DNAH17: variants seen among roughly 807,000 people sequenced by gnomAD.
The protein encoded by DNAH17 is dynein axonemal heavy chain 17.
Under a neutral mutation model 485.6 loss-of-function variants are expected in DNAH17, and 376 were observed. The ratio of observed to expected loss-of-function variants is 0.77; its 90% CI spans 0.71 to 0.84. The LOEUF is 0.84. Among genes scored for constraint, DNAH17 ranks in the 40% least tolerant of loss-of-function variants. DNAH17 has a pLI of 0.00. For missense variants in DNAH17, 6,370 were observed against 5,839.3 expected (o/e 1.09, Z -2.96); for synonymous variants, 3,031 against 2,405.9 (o/e 1.26, Z -7.60).
chr17:78,525,575 C>T (rs149473873), intron 24 of DNAH17, among the ~76,000 whole-genome samples: 82 of 152,358 alleles, frequency 5.4e-4, no homozygotes, highest in African/African-American at 1.9e-3. Flanking sequence ...TCTCAAATCC[C>T]ATGACTAAGA....
intron 75 of DNAH17, among the ~76,000 whole-genome samples, chr17:78,430,124 T>C (rs1321047520): frequency 2.6e-5 from 4 of 152,210 alleles, no homozygotes; most frequent in East Asian, 1.9e-4. Context: ...GCCTGGCTCA[T>C]GGGCGGCCTC....
chr17:78,555,634 C>T (rs1029697319), intron 14 of DNAH17, among the ~76,000 whole-genome samples: 13 of 150,548 alleles, frequency 8.6e-5, no homozygotes, highest in Non-Finnish European at 1.6e-4. Flanking sequence ...TGATGTGCTT[C>T]GAACATGAAA....
At chr17:78,441,579 C>T (rs1015546316) in intron 71 of DNAH17, among the ~76,000 whole-genome samples, 1 of 152,090 alleles carries the variant, frequency 6.6e-6, no homozygotes, top group African/African-American at 2.4e-5. Flanking sequence ...AAAAAAGCAA[C>T]TTCAGATGAT....
rs979686524 is a variant in DNAH17 at position 78,426,175 on chromosome 17, G to A, written c.12915+282C>T. On this transcript the variant is annotated intron_variant, in intron 79 of 80. Coordinates refer to ENST00000389840, the MANE Select transcript of DNAH17 (RefSeq NM_173628.4). ...AAGAGGCTCTTGCCTTCATTGCCTC[G>A]CTCCTTATAGAGGACGGCTTACCCT... Among the ~76,000 whole-genome samples the A allele has an allele frequency of 1.2e-4, 19 of 152,188 alleles. 1 individual carries two copies. The highest frequency in any genetic ancestry group is 4.3e-4 in the African/African-American group (18 of 41,436).
Position 78,459,825 on chromosome 17 carries a change from G to A in DNAH17, c.9612C>T (p.Phe3204=), listed in dbSNP as rs143976401. 167 of 1,614,018 alleles carry A rather than the reference G, an allele frequency of 1.0e-4. 1 individual carries two copies. Among genetic ancestry groups the A allele is most frequent in the Middle Eastern group, 1.7e-4 (1 of 6,060 alleles). ...AGGCCTCAGGGATGTGCTCCTTGTC[G>A]AACTTCTTCAGGGAGTCTAGGAAGG... is the stretch of plus-strand genomic sequence containing the variant. The part of the protein sequence containing the change: ...VDTFLDSLKK[F]DKEHIPEACL... Residue 3204 remains phenylalanine (F), a synonymous_variant, in exon 60 of 81, where the codon TTC becomes TTT. Coordinates refer to ENST00000389840, the MANE Select transcript of DNAH17 (RefSeq NM_173628.4).
chr17:78,434,031 T>C lies in DNAH17; in HGVS notation c.12223A>G (p.Lys4075Glu), dbSNP rs146062924. Residue 4075 changes from lysine to glutamate, a missense_variant and splice_region_variant, in exon 75 of 81, where the codon AAG (lysine) becomes GAG (glutamate). Transcript: ENST00000389840. ...ACAGGGCACACACAGCCCCTCACCT[T>C]GGGGTTGGCCTCCAGGTAGTTGTAG... ...VLYNYLEANP[K>E]VPWDDLRYLF... The C allele has an allele frequency of 5.3e-5, 85 of 1,601,364 alleles. No homozygotes were observed. Among genetic ancestry groups the C allele is most frequent in the Non-Finnish European group, 6.7e-5 (79 of 1,173,086 alleles).
intron 70 of DNAH17, among the ~76,000 whole-genome samples, 191 bp from the exon 71 acceptor site, chr17:78,444,988 C>T (rs545104814): frequency 8.5e-5 from 13 of 152,154 alleles, no homozygotes; most frequent in Non-Finnish European, 1.2e-4. Context: ...CCCAGGACAG[C>T]GCCGGGAGCC....
rs150958453 is a variant in DNAH17, at chr17:78,570,886, G to GAA, written c.918+60_918+61dup. 39,187 of 476,248 alleles carry GAA rather than the reference G, an allele frequency of 0.082. 3,345 individuals are homozygous for GAA. The highest frequency in any genetic ancestry group is 0.24 in the African/African-American group (8,767 of 36,144). 29.5% of individuals were successfully genotyped at this position (476,248 alleles called of 1,614,324 possible). The stretch of plus-strand genomic sequence containing the variant: ...AAAAAAAAAAAAAAAAAAGAAAAAA[G>GAA]AAAAGAAAAGAAAAGAAACAAGACC... On this transcript the variant is annotated intron_variant, in intron 6 of 80. Coordinates refer to ENST00000389840, the MANE Select transcript of DNAH17 (RefSeq NM_173628.4).
chr17:78,500,164 G>C, intron 36 of DNAH17, 141 bp downstream of exon 36: 1 of 939,448 alleles, frequency 1.1e-6, no homozygotes, highest in Non-Finnish European at 1.5e-6. Context: ...AGCAAGTGGG[G>C]GCCCTGGCAC....
At chr17:78,530,847 CCTT>C (rs1317121183) in intron 20 of DNAH17, among the ~76,000 whole-genome samples, 22 of 152,160 alleles carry the variant, frequency 1.4e-4, no homozygotes, top group Non-Finnish European at 5.9e-5. Context: ...CCTAGCTCAT[CCTT>C]CTACCTGAGG....
chr17:78,553,857 G>C (rs528808185), intron 14 of DNAH17, among the ~76,000 whole-genome samples: 1 of 152,110 alleles, frequency 6.6e-6, no homozygotes. Context: ...TAATCACAAA[G>C]GTTTGTACTT....
In DNAH17 at chr17:78,529,685, G is replaced by A; in HGVS notation, c.3294C>T (p.Asp1098=). The part of the protein sequence containing the change: ...LSNHVTNSLA[D]LEAFMKVARM... ...TGGCGACTTTCATGAAGGCTTCCAG[G>A]TCAGCCAGGCTAAGGGACAAGGGGA... The change falls in exon 22 of 81, where the codon GAC becomes GAT. Residue 1098 remains aspartate (D), a synonymous_variant. Transcript: ENST00000389840. 2.5e-6 allele frequency: 4 copies of A among 1,613,918 alleles called. No homozygotes were observed. The highest frequency in any genetic ancestry group is 3.4e-6 in the Non-Finnish European group (4 of 1,179,838).
chr17:78,569,278 G>A (rs2092315411), intron 8 of DNAH17, 26 bp from the exon 9 acceptor site: 1 of 1,595,822 alleles, frequency 6.3e-7, no homozygotes. Context: ...GAGAGATGAG[G>A]CCACGTTTGC....
At chr17:78,550,033 C>T (rs146084948) in intron 16 of DNAH17, among the ~76,000 whole-genome samples, 225 of 152,306 alleles carry the variant, frequency 1.5e-3, no homozygotes, top group Middle Eastern at 3.4e-3. Flanking sequence ...AGAAGCCACA[C>T]GTGCAGAGAC....
chr17:78,486,343 G>A lies in DNAH17; in HGVS notation c.6982C>T (p.Leu2328=). The A allele has an allele frequency of 6.2e-7, 1 of 1,613,898 alleles. No individual in the cohort carries two copies. The highest frequency in any genetic ancestry group is 8.5e-7 in the Non-Finnish European group (1 of 1,179,826). ...EITVIQTILY[L]LECLLTEKTV... is the part of the protein sequence containing the mutation. ...TTCTCCGTGAGCAGGCACTCCAGCA[G>A]GTACAGAATCGTTTGGATCACCGTG... The change falls in exon 45 of 81, where the codon CTG becomes TTG. Residue 2328 remains leucine, a synonymous_variant. Coordinates refer to ENST00000389840, the MANE Select transcript of DNAH17 (RefSeq NM_173628.4).
chr17:78,470,553 G>C (rs1003717992), intron 54 of DNAH17, among the ~76,000 whole-genome samples: 2 of 152,030 alleles, frequency 1.3e-5, no homozygotes, highest in African/African-American at 4.8e-5. Flanking sequence ...GCCAGGCGTG[G>C]TGGCACGCAC....
In DNAH17 at chr17:78,491,470, A is replaced by G. The variant is rs551360822; in HGVS notation, c.6642T>C (p.Ser2214=). Residue 2214 remains serine (S), a synonymous_variant, in exon 43 of 81, where the codon TCT becomes TCC. Coordinates refer to ENST00000389840, the MANE Select transcript of DNAH17 (RefSeq NM_173628.4). ...TGTTGTCATCCATGACTGTGTTGAG[A>G]GACTCGATCCACATGGGGTCTATGT... is the stretch of plus-strand genomic sequence containing the variant. ...DGDIDPMWIE[S]LNTVMDDNKV... is the part of the protein sequence containing the mutation. The G allele has an allele frequency of 1.2e-6, 2 of 1,613,072 alleles. No homozygotes were observed. Among genetic ancestry groups the G allele is most frequent in the Admixed American group, 3.3e-5 (2 of 59,896 alleles).
intron 52 of DNAH17, 139 bp from the exon 53 acceptor site, chr17:78,475,972 A>T: frequency 1.0e-6 from 1 of 953,728 alleles, no homozygotes; most frequent in Non-Finnish European, 1.5e-6. Flanking sequence ...AGGGGCCCAA[A>T]CCTGCTGCCG....
At chr17:78,473,393 A>C (rs1186636785) in intron 54 of DNAH17, among the ~76,000 whole-genome samples, 1 of 151,916 alleles carries the variant, frequency 6.6e-6, no homozygotes, top group Non-Finnish European at 1.5e-5. Context: ...AAATACAAAA[A>C]ATTAGACGGG....
Sources: gnomAD v4.1 joint callset for allele counts (sites outside exome capture counted in the v4.1 genomes callset) on GRCh38, gnomAD v4.1.1 for gene constraint, MANE v1.5 for transcripts, NCBI Gene and HGNC (gene_info 2026-07-23, HGNC 2026-07-21) for gene names.